The following ATF7IP2 variants were observed in gnomAD, a reference collection of about 807,000 sequenced individuals.
ATF7IP2 encodes activating transcription factor 7 interacting protein 2.
ATF7IP2 carries 42 observed loss-of-function variants against 64.2 expected under a neutral mutation model. That is an observed-to-expected ratio of 0.65 (90% CI 0.51 to 0.85). The LOEUF (loss-of-function observed/expected upper bound fraction) is 0.85. Among genes scored for constraint, ATF7IP2 ranks in the 40% least tolerant of loss-of-function variants. The pLI, the probability that ATF7IP2 is intolerant of heterozygous loss-of-function variation, is 0.00. For missense variants in ATF7IP2, 933 were observed against 784.2 expected, an observed-to-expected ratio of 1.19 and a Z score of -2.27; for synonymous variants, 308 against 272.8, an observed-to-expected ratio of 1.13 and a Z score of -1.27.
intron 3 of ATF7IP2, among the ~76,000 whole-genome samples, chr16:10,426,858 G>A (rs1296623118): frequency 6.6e-6 from 1 of 151,596 alleles, no homozygotes; most frequent in Non-Finnish European, 1.5e-5. Context: ...TTTTTTTGTT[G>A]TTGTTTTTTT....
chr16:10,427,482 T>C (rs973974245), intron 3 of ATF7IP2, among the ~76,000 whole-genome samples: 1 of 152,196 alleles, frequency 6.6e-6, no homozygotes, highest in African/African-American at 2.4e-5. Context: ...AAGTTGAACA[T>C]GGATACCTTT....
intron 7 of ATF7IP2, 103 bp from the exon 8 acceptor site, chr16:10,440,261 G>A (rs2048569502): frequency 1.8e-6 from 1 of 545,298 alleles, no homozygotes; most frequent in African/African-American, 2.0e-5. Context: ...TTGGGTAGAT[G>A]TCTAGGTCTT....
At chr16:10,433,795 C>T (rs1010709029) in intron 6 of ATF7IP2, 146 bp downstream of exon 6, 1 of 830,490 alleles carries the variant, frequency 1.2e-6, no homozygotes, top group Non-Finnish European at 1.9e-6. Context: ...ATCAGACAGA[C>T]TGGGGAGAGA....
At chr16:10,477,526 A>C (rs1284189917) in intron 12 of ATF7IP2, among the ~76,000 whole-genome samples, 2 of 152,046 alleles carry the variant, frequency 1.3e-5, no homozygotes, top group African/African-American at 4.8e-5. Context: ...TATCATACTG[A>C]ATGGGCAAAA....
intron 8 of ATF7IP2, chr16:10,446,988 T>C (rs1280409188): frequency 6.6e-6 from 1 of 152,188 alleles, no homozygotes; most frequent in Non-Finnish European, 1.5e-5. Flanking sequence ...TGCTTCGTCT[T>C]CTCTGGCTAC....
chr16:10,459,483 AAAAAAAAT>A lies in ATF7IP2; in HGVS notation c.1352+1956_1352+1963del, dbSNP rs573202898. 3.5e-3 allele frequency among the ~76,000 whole-genome samples: 525 copies of A among 150,672 alleles called. 2 individuals are homozygous for A. The highest frequency in any genetic ancestry group is 0.012 in the African/African-American group (510 of 40,986). On this transcript the variant is annotated intron_variant, in intron 9 of 13. Transcript: ENST00000562102. ...ACTCCATCTCAAAAAGAAAAAAAAA[AAAAAAAAT>A]ACAAAATTAGCTGGGCATGGTGGTG...
Position 10,438,245 on chromosome 16 carries a change from G to A in ATF7IP2, c.1095+10G>A. ...AGCTGATAAACTTTTGGTAAGTTTT[G>A]ATTTCATTTGAGTCTTTTTTAGGGG... On this transcript the variant is annotated intron_variant, in intron 7 of 13. Transcript: ENST00000562102. 6.3e-7 allele frequency: 1 copy of A among 1,593,764 alleles called. No individual in the cohort carries two copies. Among genetic ancestry groups the A allele is most frequent in the African/African-American group, 1.4e-5 (1 of 73,696 alleles).
At chr16:10,457,277 A>G (rs970039181) in intron 8 of ATF7IP2, 95 bp from the exon 9 acceptor site, 4 of 1,035,278 alleles carry the variant, frequency 3.9e-6, no homozygotes, top group East Asian at 2.6e-5. Context: ...GTTTTGCCAT[A>G]TGTATGCAAG....
At chr16:10,388,466 T>C (rs944526490) in intron 1 of ATF7IP2, among the ~76,000 whole-genome samples, 4 of 152,214 alleles carry the variant, frequency 2.6e-5, no homozygotes, top group African/African-American at 9.6e-5. Context: ...TAAGTTTCAT[T>C]AGTATACCTC....
At chr16:10,420,715 C>G (rs371904124) in intron 3 of ATF7IP2, among the ~76,000 whole-genome samples, 1 of 152,176 alleles carries the variant, frequency 6.6e-6, no homozygotes, top group Non-Finnish European at 1.5e-5. Context: ...TGTGTGAAAT[C>G]GTAACTGAGC....
At chr16:10,445,398 T>G (rs1176679708) in intron 8 of ATF7IP2, 1 of 152,234 alleles carries the variant, frequency 6.6e-6, no homozygotes, top group African/African-American at 2.4e-5. Flanking sequence ...AGCCACTTGT[T>G]TGGCTATTTG....
intron 5 of ATF7IP2, 113 bp from the exon 6 acceptor site, chr16:10,433,412 C>A: frequency 2.1e-6 from 2 of 959,178 alleles, no homozygotes; most frequent in Non-Finnish European, 3.1e-6. Flanking sequence ...TGGCCTTAAG[C>A]CACCCTCCCT....
rs940197481 is a variant in ATF7IP2 at position 10,445,091 on chromosome 16, C to T, written c.1194+4629C>T. Reference sequence around the variant, plus strand: ...ATTAGTTTTCTTACGTATTAAGCAACTATCTGTAACTTGTTTGGCTAGGGT... The same window carrying T: ...ATTAGTTTTCTTACGTATTAAGCAATTATCTGTAACTTGTTTGGCTAGGGT... On this transcript the variant is annotated intron_variant, in intron 8 of 13. Transcript: ENST00000562102. 1.9e-4 allele frequency among the ~76,000 whole-genome samples: 29 copies of T among 152,156 alleles called. 1 individual carries two copies. The highest frequency in any genetic ancestry group is 7.0e-4 in the African/African-American group (29 of 41,432).
At position 10,480,871 on chromosome 16, in the gene ATF7IP2, G is replaced by C; in HGVS notation, c.1550-8G>C. 1 of 1,590,740 alleles carries C rather than the reference G, an allele frequency of 6.3e-7. No homozygotes were observed. The highest frequency in any genetic ancestry group is 8.6e-7 in the Non-Finnish European group (1 of 1,158,942). ...AGATTTACTTCTTAAACCTTGTGTTGTTCACAGAAAGTCCAGTATCCCCCC... is the reference window on the plus strand; with the variant it reads ...AGATTTACTTCTTAAACCTTGTGTTCTTCACAGAAAGTCCAGTATCCCCCC... On this transcript the variant is annotated splice_region_variant and splice_polypyrimidine_tract_variant and intron_variant, in intron 12 of 13. Transcript: ENST00000562102.
intron 1 of ATF7IP2, among the ~76,000 whole-genome samples, chr16:10,390,918 T>A (rs543196517): frequency 3.9e-5 from 6 of 152,012 alleles, no homozygotes; most frequent in African/African-American, 1.4e-4. Context: ...ATCCCAATGG[T>A]TTAGGAGGCC....
rs368412172 is a variant in ATF7IP2 at position 10,462,706 on chromosome 16, G to T, written c.1352+5177G>T. Among the ~76,000 whole-genome samples the T allele has an allele frequency of 2.0e-5, 3 of 152,082 alleles. No homozygotes were observed. The East Asian group carries it at 5.8e-4, about 29-fold the overall frequency. On this transcript the variant is annotated intron_variant, in intron 9 of 13. Transcript: ENST00000562102. ...GCCTTTTAAATTTATACTGATGGGG[G>T]CTTGTGGCCCTTCTTGAATCTATGG...
chr16:10,481,760 A>C, intron 13 of ATF7IP2, 76 bp from the exon 14 acceptor site: 2 of 1,231,680 alleles, frequency 1.6e-6, no homozygotes, highest in Non-Finnish European at 2.3e-6. Flanking sequence ...AATGGATTGA[A>C]GAATGAGAAA....
At chr16:10,389,828 T>A (rs1009351071) in intron 1 of ATF7IP2, among the ~76,000 whole-genome samples, 1 of 152,248 alleles carries the variant, frequency 6.6e-6, no homozygotes, top group Admixed American at 6.5e-5. Context: ...GCTGCTGGTC[T>A]ATGAACCACA....
intron 8 of ATF7IP2, chr16:10,449,581 G>C (rs377254239): frequency 6.6e-6 from 1 of 152,182 alleles, no homozygotes; most frequent in South Asian, 2.1e-4. Context: ...AGATTTTCTA[G>C]TTTATTTGCA....
Sources: gnomAD v4.1 joint callset for allele counts (sites outside exome capture counted in the v4.1 genomes callset) on GRCh38, gnomAD v4.1.1 for gene constraint, MANE v1.5 for transcripts, NCBI Gene and HGNC (gene_info 2026-07-23, HGNC 2026-07-21) for gene names.